ATRNL1: variants seen among roughly 807,000 people sequenced by gnomAD.
The protein encoded by ATRNL1 is attractin-like protein 1.
In ATRNL1, 95 loss-of-function variants were observed where a neutral mutation model predicts 182.7. The ratio of observed to expected loss-of-function variants is 0.52; its 90% CI spans 0.44 to 0.62. The LOEUF (loss-of-function observed/expected upper bound fraction) is 0.62, where lower values mean the gene tolerates loss of function less well. Ranked by LOEUF, ATRNL1 falls within the 20% of genes least tolerant of loss-of-function variation. The probability of loss-of-function intolerance (pLI) is 0.00; values close to 1 mark genes in which losing one functional copy is unlikely to be tolerated. For missense variants in ATRNL1, 1,471 were observed against 1,679.5 expected (o/e 0.88, Z 2.17); for synonymous variants, 576 against 568.3 (o/e 1.01, Z -0.19).
intron 27 of ATRNL1, among the ~76,000 whole-genome samples, chr10:115,789,290 A>G (rs1370849949): frequency 2.0e-5 from 3 of 152,230 alleles, no homozygotes; most frequent in African/African-American, 7.2e-5. Context: ...TCTGACAGCA[A>G]GTCAACAATT....
At chr10:115,113,802 T>C (rs1199492290) in intron 1 of ATRNL1, among the ~76,000 whole-genome samples, 1 of 152,186 alleles carries the variant, frequency 6.6e-6, no homozygotes. Flanking sequence ...TAAAATGTTT[T>C]CTAAGGGCAC....
At chr10:115,571,426 C>T (rs1854388552) in intron 26 of ATRNL1, among the ~76,000 whole-genome samples, 1 of 152,106 alleles carries the variant, frequency 6.6e-6, no homozygotes, top group South Asian at 2.1e-4. Context: ...ATTCTTTACC[C>T]CCATATTTTG....
chr10:115,703,007 A>G (rs1946784883), intron 26 of ATRNL1, among the ~76,000 whole-genome samples: 1 of 151,956 alleles, frequency 6.6e-6, no homozygotes, highest in Non-Finnish European at 1.5e-5. Flanking sequence ...TAGACTTCAA[A>G]CTATACTACA....
intron 23 of ATRNL1, among the ~76,000 whole-genome samples, chr10:115,468,429 G>T (rs1259863824): frequency 6.6e-6 from 1 of 150,730 alleles, no homozygotes; most frequent in Non-Finnish European, 1.5e-5. Context: ...TGTACACAAG[G>T]TGATTATGGA....
At chr10:115,760,211 G>A (rs1313883155) in intron 27 of ATRNL1, among the ~76,000 whole-genome samples, 1 of 151,140 alleles carries the variant, frequency 6.6e-6, no homozygotes, top group Non-Finnish European at 1.5e-5. Flanking sequence ...TATATTTGTG[G>A]TTTTGGTTTT....
intron 27 of ATRNL1, 98 bp from the exon 28 acceptor site, chr10:115,847,779 G>A: frequency 2.8e-6 from 2 of 703,828 alleles, no homozygotes; most frequent in East Asian, 2.7e-5. Flanking sequence ...GAACAACTAG[G>A]AATGTACAGC....
intron 27 of ATRNL1, among the ~76,000 whole-genome samples, chr10:115,746,304 A>G (rs1487829317): frequency 3.3e-5 from 5 of 152,142 alleles, no homozygotes; most frequent in Non-Finnish European, 5.9e-5. Flanking sequence ...TTAAATTTTT[A>G]AACTTTTAGT....
chr10:115,420,616 CAAAT>C (rs1369789039), intron 20 of ATRNL1, among the ~76,000 whole-genome samples: 1 of 151,868 alleles, frequency 6.6e-6, no homozygotes, highest in Non-Finnish European at 1.5e-5. Flanking sequence ...AGAAATATCT[CAAAT>C]AAACAGCCTA....
intron 27 of ATRNL1, among the ~76,000 whole-genome samples, chr10:115,756,821 A>C (rs1351129134): frequency 6.6e-6 from 1 of 152,028 alleles, no homozygotes; most frequent in South Asian, 2.1e-4. Flanking sequence ...GTCTCTAAAA[A>C]CTTGCTTTAT....
chr10:115,579,066 T>G (rs1471846974), intron 26 of ATRNL1, among the ~76,000 whole-genome samples: 1 of 151,806 alleles, frequency 6.6e-6, no homozygotes, highest in East Asian at 1.9e-4. Flanking sequence ...CAGAAAAGAT[T>G]CTTGATATGA....
intron 28 of ATRNL1, among the ~76,000 whole-genome samples, chr10:115,870,515 T>C (rs1403373277): frequency 3.3e-5 from 5 of 152,210 alleles, no homozygotes; most frequent in Non-Finnish European, 7.3e-5. Context: ...AGGTAAGCAC[T>C]GGTTATCTGG....
intron 3 of ATRNL1, among the ~76,000 whole-genome samples, chr10:115,123,043 A>G (rs1285740989): frequency 6.6e-6 from 1 of 152,152 alleles, no homozygotes; most frequent in Non-Finnish European, 1.5e-5. Context: ...TAGTAATTCT[A>G]ATTACTTTGT....
chr10:115,415,305 T>C (rs1226053049), intron 20 of ATRNL1, among the ~76,000 whole-genome samples: 1 of 152,074 alleles, frequency 6.6e-6, no homozygotes, highest in African/African-American at 2.4e-5. Context: ...ATTTTTCATG[T>C]GGTTAAGAGC....
At chr10:115,534,815 C>T in intron 25 of ATRNL1, among the ~76,000 whole-genome samples, 1 of 151,086 alleles carries the variant, frequency 6.6e-6, no homozygotes, top group Non-Finnish European at 1.5e-5. Flanking sequence ...GTGACAAAAT[C>T]TCTCAGCATT....
At chr10:115,600,958 G>T (rs1555015763) in intron 26 of ATRNL1, among the ~76,000 whole-genome samples, 1 of 140,262 alleles carries the variant, frequency 7.1e-6, no homozygotes, top group Non-Finnish European at 1.5e-5. Context: ...GCCCTGTATG[G>T]ATGTCCACAT....
chr10:115,546,837 T>C (rs1852684498), intron 25 of ATRNL1, among the ~76,000 whole-genome samples: 1 of 152,132 alleles, frequency 6.6e-6, no homozygotes. Context: ...TGAGAAACAC[T>C]GTACTTGAGG....
intron 27 of ATRNL1, among the ~76,000 whole-genome samples, chr10:115,743,935 T>G (rs369393410): frequency 6.9e-4 from 105 of 151,680 alleles, no homozygotes; most frequent in African/African-American, 2.4e-3. Flanking sequence ...GCCAGTATAT[T>G]GTACACATCT....
intron 18 of ATRNL1, among the ~76,000 whole-genome samples, chr10:115,331,432 A>T (rs1855217415): frequency 6.6e-6 from 1 of 151,962 alleles, no homozygotes; most frequent in Non-Finnish European, 1.5e-5. Flanking sequence ...AAATTATTTC[A>T]ATTTGTTTGT....
At chr10:115,106,054 C>T (rs954108537) in intron 1 of ATRNL1, among the ~76,000 whole-genome samples, 9 of 152,112 alleles carry the variant, frequency 5.9e-5, no homozygotes, top group African/African-American at 2.2e-4. Context: ...AGATGTTCAA[C>T]GACAGCCCAT....
Sources: allele counts gnomAD v4.1 joint callset (sites outside exome capture counted in the v4.1 genomes callset), GRCh38; gene constraint gnomAD v4.1.1; transcripts MANE v1.5; gene names NCBI Gene and HGNC (gene_info 2026-07-23, HGNC 2026-07-21).